Variants in ITGA11 observed in about 807,000 individuals in gnomAD.
The protein encoded by ITGA11 is integrin alpha-11.
ITGA11 carries 97 observed loss-of-function variants against 141.9 expected under a neutral mutation model. The observed-to-expected ratio is 0.68, with a 90% CI of 0.58 to 0.81. The LOEUF is 0.81. ITGA11 is among the 30% of genes least tolerant of loss of function. The pLI, the probability that ITGA11 is intolerant of heterozygous loss-of-function variation, is 0.00. For missense variants in ITGA11, 1,387 were observed against 1,559.2 expected, an observed-to-expected ratio of 0.89 and a Z score of 1.86; for synonymous variants, 658 against 624.6, an observed-to-expected ratio of 1.05 and a Z score of -0.80.
chr15:68,424,652 T>G (rs1014256824), intron 1 of ITGA11, among the ~76,000 whole-genome samples: 1 of 152,208 alleles, frequency 6.6e-6, no homozygotes, highest in Non-Finnish European at 1.5e-5. Context: ...CAGAATGAGA[T>G]GCGAAGCCCA....
chr15:68,320,259 C>T lies in ITGA11; in HGVS notation c.2542G>A (p.Gly848Ser). The T allele has an allele frequency of 6.2e-7, 1 of 1,614,026 alleles. No individual in the cohort carries two copies. Among genetic ancestry groups the T allele is most frequent in the South Asian group, 1.1e-5 (1 of 91,080 alleles). ...AGGACCGTGCTGTAGGCGTTCTCGC[C>T]CCTGTTCTCCAGTGTGGCCTCCACC... ...VAVEATLENR[G>S]ENAYSTVLNI... The change falls in exon 20 of 30, where the codon GGC becomes AGC. Residue 848 changes from glycine to serine, a missense_variant. Transcript: ENST00000315757.
intron 12 of ITGA11, among the ~76,000 whole-genome samples, chr15:68,334,062 C>T (rs1001643755): frequency 2.0e-5 from 3 of 152,232 alleles, no homozygotes; most frequent in African/African-American, 7.2e-5. Context: ...TGCTCCCTGC[C>T]CCTTTTCCAT....
intron 28 of ITGA11, among the ~76,000 whole-genome samples, chr15:68,306,252 TGGGGGTGGAA>T (rs1180895720): frequency 7.8e-6 from 1 of 128,094 alleles, no homozygotes; most frequent in African/African-American, 3.0e-5. Flanking sequence ...GGGGGTTGAG[TGGGGGTGGAA>T]GAAGGAAAAG....
At chr15:68,386,480 G>A (rs1895987953) in intron 2 of ITGA11, among the ~76,000 whole-genome samples, 1 of 152,146 alleles carries the variant, frequency 6.6e-6, no homozygotes, top group Non-Finnish European at 1.5e-5. Context: ...GGCTGCCCAG[G>A]ACCCTTTGTG....
intron 3 of ITGA11, among the ~76,000 whole-genome samples, 165 bp from the exon 4 acceptor site, chr15:68,364,963 CA>C: frequency 6.6e-6 from 1 of 152,242 alleles, no homozygotes; most frequent in East Asian, 1.9e-4. Context: ...ACTCTCAGGA[CA>C]TCCTCACAAC....
intron 1 of ITGA11, among the ~76,000 whole-genome samples, chr15:68,414,270 G>A (rs1214933138): frequency 1.3e-5 from 2 of 152,214 alleles, no homozygotes; most frequent in African/African-American, 4.8e-5. Context: ...TGGAATGACA[G>A]AGGCTTCTCA....
At position 68,307,787 on chromosome 15, in the gene ITGA11, G is replaced by GCCCCCA; in HGVS notation, c.3175-92_3175-91insTGGGGG. 4.8e-6 allele frequency: 4 copies of GCCCCCA among 828,600 alleles called. No homozygotes were observed. Among genetic ancestry groups the GCCCCCA allele is most frequent in the Non-Finnish European group, 5.9e-6 (3 of 504,790 alleles). 51.3% of individuals were successfully genotyped at this position (828,600 alleles called of 1,614,324 possible). On this transcript the variant is annotated intron_variant, in intron 26 of 29. Coordinates refer to ENST00000315757, the MANE Select transcript of ITGA11 (RefSeq NM_001004439.2). The surrounding 1 kb of genome is among the most constrained non-coding windows in gnomAD (Gnocchi z 6.1). ...CTTGAACGACTGGGGCTCTGCTCCT[G>GCCCCCA]GGGGCAGGGGCAGAGGACAGGGGAC...
chr15:68,317,278 C>G lies in ITGA11; in HGVS notation c.2702G>C (p.Arg901Pro). The change falls in exon 21 of 30, where the codon CGG becomes CCG. Residue 901 changes from arginine (R) to proline (P), a missense_variant. Coordinates refer to ENST00000315757, the MANE Select transcript of ITGA11 (RefSeq NM_001004439.2). ...CCCAGTCTCAACCTTGGCCTTGGCCCGGAAGAAGGGATAGCTGACGTTGCA... is the reference window on the plus strand; with the variant it reads ...CCCAGTCTCAACCTTGGCCTTGGCCGGGAAGAAGGGATAGCTGACGTTGCA... ...QVCNVSYPFFRAKAKVAFRLD... is the reference protein window; with the variant it reads ...QVCNVSYPFFPAKAKVAFRLD... 6.2e-7 allele frequency: 1 copy of G among 1,613,442 alleles called. No homozygotes were observed. The highest frequency in any genetic ancestry group is 1.3e-5 in the African/African-American group (1 of 75,022).
Position 68,378,500 on chromosome 15 carries a change from A to T in ITGA11, c.165-9216T>A, listed in dbSNP as rs8024015. ...TCTATAAAAAAATAAAAAATTATCC[A>T]GGTATGGTGGCATGTGCCTGTAGTC... On this transcript the variant is annotated intron_variant, in intron 2 of 29. Transcript: ENST00000315757. Among the ~76,000 whole-genome samples the T allele has an allele frequency of 2.6e-5, 4 of 152,058 alleles. No individual in the cohort carries two copies. The South Asian group carries it at 8.3e-4, about 32-fold the overall frequency.
At chr15:68,367,632 C>T (rs1410227692) in intron 3 of ITGA11, among the ~76,000 whole-genome samples, 2 of 152,210 alleles carry the variant, frequency 1.3e-5, no homozygotes, top group Admixed American at 1.3e-4. Flanking sequence ...AATTTGCCTA[C>T]CCGATTACTG....
At chr15:68,315,535 TG>T in intron 22 of ITGA11, 115 bp downstream of exon 22, 2 of 903,020 alleles carry the variant, frequency 2.2e-6, no homozygotes, top group Non-Finnish European at 3.6e-6. Flanking sequence ...GTTGGGGCAG[TG>T]GGGGACAGGG....
Position 68,307,590 on chromosome 15 carries a change from T to C in ITGA11, c.3281A>G (p.Lys1094Arg). 6.2e-7 allele frequency: 1 copy of C among 1,610,132 alleles called. No individual in the cohort carries two copies. Among genetic ancestry groups the C allele is most frequent in the East Asian group, 2.2e-5 (1 of 44,864 alleles). Residue 1094 changes from lysine to arginine, a missense_variant, in exon 27 of 30, where the codon AAA becomes AGA. Transcript: ENST00000315757. The surrounding 1 kb of genome is among the most constrained non-coding windows in gnomAD (Gnocchi z 6.1). ...LLGNLWLRSL[K>R]ALKYKSMKIM... ...CAGCCCAGGGGCTCTACTTACTGCTTTTAGGGACCTCAACCACAGGTTCCC... is the reference window on the plus strand; with the variant it reads ...CAGCCCAGGGGCTCTACTTACTGCTCTTAGGGACCTCAACCACAGGTTCCC...
At chr15:68,345,404 C>T (rs1344716620) in intron 10 of ITGA11, among the ~76,000 whole-genome samples, 3 of 152,144 alleles carry the variant, frequency 2.0e-5, no homozygotes, top group Non-Finnish European at 4.4e-5. Context: ...TGTTTTGGGG[C>T]CCTGGACTCT....
At chr15:68,347,995 G>A (rs8029838) in intron 10 of ITGA11, among the ~76,000 whole-genome samples, 65,708 of 152,008 alleles carry the variant, frequency 0.43, 14,710 homozygotes, top group Middle Eastern at 0.69. Context: ...CACACCCACA[G>A]GAGCACGTAT....
chr15:68,364,353 T>C (rs1895347511), intron 4 of ITGA11, among the ~76,000 whole-genome samples: 2 of 152,162 alleles, frequency 1.3e-5, no homozygotes, highest in African/African-American at 4.8e-5. Context: ...GACAACTAGC[T>C]CCCCAAGGAA....
intron 4 of ITGA11, 172 bp from the exon 5 acceptor site, chr15:68,361,876 T>C: frequency 1.7e-6 from 1 of 584,302 alleles, no homozygotes; most frequent in Admixed American, 3.0e-5. Context: ...TGCTGCAATG[T>C]GTACTAGTTC....
chr15:68,319,655 C>T (rs928328340), intron 20 of ITGA11, among the ~76,000 whole-genome samples: 2 of 152,212 alleles, frequency 1.3e-5, no homozygotes, highest in South Asian at 4.1e-4. Context: ...TCCGAGCAAG[C>T]CTGCAGGGTG....
intron 5 of ITGA11, among the ~76,000 whole-genome samples, chr15:68,359,756 A>G (rs1156617421): frequency 6.6e-6 from 1 of 151,648 alleles, no homozygotes; most frequent in Non-Finnish European, 1.5e-5. Flanking sequence ...TATTAAAAAA[A>G]CCCTCCTCTT....
chr15:68,315,845 G>A (rs976138318), intron 21 of ITGA11, 118 bp from the exon 22 acceptor site: 4 of 783,448 alleles, frequency 5.1e-6, no homozygotes, highest in Admixed American at 5.6e-5. Context: ...GGGGGTTGGG[G>A]AGCTGCTGGC....
Sources: gnomAD v4.1 joint callset for allele counts (sites outside exome capture counted in the v4.1 genomes callset) on GRCh38, gnomAD v4.1.1 for gene constraint, Gnocchi (gnomAD v3.1) non-coding constraint, MANE v1.5 for transcripts, NCBI Gene and HGNC (gene_info 2026-07-23, HGNC 2026-07-21) for gene names.